PJA2: variants seen among roughly 807,000 people sequenced by gnomAD.
PJA2 encodes praja ring finger ubiquitin ligase 2.
PJA2 carries 25 observed loss-of-function variants against 69.3 expected under a neutral mutation model. The observed-to-expected ratio is 0.36, with a 90% CI of 0.26 to 0.50. The LOEUF (loss-of-function observed/expected upper bound fraction) is 0.50, where lower values mean the gene tolerates loss of function less well. Among genes scored for constraint, PJA2 ranks in the 20% least tolerant of loss-of-function variants. PJA2 has a pLI of 0.96. For missense variants in PJA2, 809 were observed against 830.2 expected (o/e 0.97, Z 0.31); for synonymous variants, 308 against 277.8 (o/e 1.11, Z -1.08).
At chr5:109,383,880 T>C (rs558372859) in intron 1 of PJA2, among the ~76,000 whole-genome samples, 1 of 152,188 alleles carries the variant, frequency 6.6e-6, no homozygotes, top group South Asian at 2.1e-4. Context: ...TGAGCCGAGA[T>C]CATGCCACTG....
At chr5:109,361,823 T>C (rs183889447) in intron 6 of PJA2, among the ~76,000 whole-genome samples, 23 of 152,352 alleles carry the variant, frequency 1.5e-4, no homozygotes, top group Admixed American at 1.2e-3. Context: ...CACACATTTT[T>C]TTCCCCCTTG....
intron 7 of PJA2, among the ~76,000 whole-genome samples, chr5:109,351,892 AT>A (rs1482161640): frequency 1.3e-5 from 2 of 152,174 alleles, no homozygotes; most frequent in African/African-American, 2.4e-5. Flanking sequence ...ATCATAAATT[AT>A]TTTTGTTTCA....
intron 3 of PJA2, 94 bp downstream of exon 3, chr5:109,381,409 T>C: frequency 1.1e-6 from 1 of 877,566 alleles, no homozygotes; most frequent in South Asian, 1.7e-5. Flanking sequence ...GCATTTACAC[T>C]CACAGACATG....
At chr5:109,366,377 G>C (rs1762585662) in intron 5 of PJA2, among the ~76,000 whole-genome samples, 1 of 152,176 alleles carries the variant, frequency 6.6e-6, no homozygotes, top group Non-Finnish European at 1.5e-5. Context: ...TAATGTAAAA[G>C]ACTAATTTTT....
intron 7 of PJA2, among the ~76,000 whole-genome samples, chr5:109,354,027 A>G (rs1295569005): frequency 8.3e-5 from 12 of 144,402 alleles, no homozygotes; most frequent in East Asian, 2.1e-4. Flanking sequence ...TATCTATGAT[A>G]TCTAGAGATA....
At chr5:109,403,914 C>G (rs1404242289) in intron 1 of PJA2, among the ~76,000 whole-genome samples, 1 of 151,230 alleles carries the variant, frequency 6.6e-6, no homozygotes, top group African/African-American at 2.4e-5. Flanking sequence ...TACAAAAATA[C>G]AAAAAAGTTA....
intron 7 of PJA2, among the ~76,000 whole-genome samples, chr5:109,352,296 T>C (rs1173198735): frequency 6.6e-6 from 1 of 152,186 alleles, no homozygotes; most frequent in Non-Finnish European, 1.5e-5. Context: ...TAGTAATAAA[T>C]ACTAAAACAT....
intron 7 of PJA2, among the ~76,000 whole-genome samples, chr5:109,354,439 G>GATTAGATGTCTATGATATCTAGAGATA (rs1762367244): frequency 1.2e-5 from 1 of 81,712 alleles, no homozygotes. Flanking sequence ...ATCTAGAGAT[G>GATTAGATGTCTATGATATCTAGAGATA]TCTATAGATT....
intron 1 of PJA2, among the ~76,000 whole-genome samples, chr5:109,408,299 T>C (rs1025041478): frequency 6.6e-6 from 1 of 152,146 alleles, no homozygotes; most frequent in African/African-American, 2.4e-5. Context: ...ATCAATAAAT[T>C]AGAAAGTTAT....
chr5:109,354,090 A>ATGT lies in PJA2; in HGVS notation c.1764+1824_1764+1825insACA, dbSNP rs1257032012. Among the ~76,000 whole-genome samples, 3 of 50,638 alleles carry ATGT rather than the reference A, an allele frequency of 5.9e-5. No individual in the cohort carries two copies. In the East Asian group the frequency reaches 7.5e-4, roughly 13 times the overall value. The allele number at this position is 50,638 out of a possible 152,430, so 33.2% of individuals were successfully genotyped here. A position where few individuals can be genotyped will look rare whatever the true frequency, so the allele number is the denominator to read the frequency against. ...AGAGATATCTATAGATTAGATATCTATATCTAGAGATATCTATAGATTAGA... is the reference window on the plus strand; with the variant it reads ...AGAGATATCTATAGATTAGATATCTATGTTATCTAGAGATATCTATAGATTAGA... On this transcript the variant is annotated intron_variant, in intron 7 of 9. Transcript: ENST00000361189.
chr5:109,340,741 A>C (rs1270647577), intron 9 of PJA2, among the ~76,000 whole-genome samples: 5 of 90,322 alleles, frequency 5.5e-5, no homozygotes, highest in Non-Finnish European at 2.6e-5. Flanking sequence ...GGCTCACTGC[A>C]ACCTCCCTGC....
At position 109,379,056 on chromosome 5, in the gene PJA2, C is replaced by A; in HGVS notation, c.431G>T (p.Gly144Val). Residue 144 changes from glycine to valine, a missense_variant, in exon 4 of 10, where the codon GGA becomes GTA. By Grantham distance (109) the Gly-to-Val change is moderately radical. Around this residue, in one of 4 missense-constraint regions of PJA2, gnomAD observed 700 missense variants for 639.5 expected, o/e 1.09. Transcript: ENST00000361189. The part of the protein sequence containing the change: ...SSTNLHNHSE[G>V]EYIPGACSAS... ...ACTACAAGCTCCTGGAATATACTCT[C>A]CCTCAGAGTGATTATGAAGATTTGT... 6.2e-7 allele frequency: 1 copy of A among 1,614,120 alleles called. No homozygotes were observed. The highest frequency in any genetic ancestry group is 1.1e-5 in the South Asian group (1 of 91,074).
chr5:109,379,297 T>A, intron 3 of PJA2, 43 bp from the exon 4 acceptor site: 1 of 1,378,876 alleles, frequency 7.3e-7, no homozygotes, highest in Non-Finnish European at 9.8e-7. Context: ...AGGATTAACT[T>A]AGATAAAATT....
intron 7 of PJA2, among the ~76,000 whole-genome samples, chr5:109,352,980 CCTATATCTATAGATATCTATATATTAG>C (rs1762284639): frequency 4.2e-5 from 1 of 23,720 alleles, no homozygotes; most frequent in Non-Finnish European, 9.1e-5. Flanking sequence ...ATATTAGATA[CCTATATCTATAGATATCTATATATTAG>C]ATACCTATAT....
intron 7 of PJA2, among the ~76,000 whole-genome samples, chr5:109,352,999 ATATATTAGATACCTATATCTATAGATAT>A (rs1762286103): frequency 2.2e-5 from 3 of 134,898 alleles, no homozygotes; most frequent in Non-Finnish European, 4.8e-5. Context: ...ATAGATATCT[ATATATTAGATACCTATATCTATAGATAT>A]CTATATATTA....
At chr5:109,408,414 C>G (rs943177986) in intron 1 of PJA2, among the ~76,000 whole-genome samples, 5 of 151,992 alleles carry the variant, frequency 3.3e-5, no homozygotes, top group African/African-American at 4.8e-5. Context: ...CACGAGATAC[C>G]AGTTAGCCTT....
intron 9 of PJA2, among the ~76,000 whole-genome samples, chr5:109,342,755 G>GCCTCTGC (rs1232262336): frequency 1.6e-5 from 2 of 124,874 alleles, no homozygotes; most frequent in African/African-American, 7.2e-5. Context: ...GGTGAGGGGC[G>GCCTCTGC]CCTCTGCCCG....
intron 9 of PJA2, among the ~76,000 whole-genome samples, chr5:109,342,700 T>C (rs1264355216): frequency 1.0e-5 from 1 of 97,580 alleles, no homozygotes. Flanking sequence ...GGGAGGGAGG[T>C]GGGGGGAGTC....
intron 5 of PJA2, among the ~76,000 whole-genome samples, chr5:109,365,796 T>C (rs1044232862): frequency 1.3e-5 from 2 of 152,194 alleles, no homozygotes; most frequent in African/African-American, 4.8e-5. Flanking sequence ...TTTAGTTTCA[T>C]GAGTCATGTG....
Sources: allele counts gnomAD v4.1 joint callset (sites outside exome capture counted in the v4.1 genomes callset), GRCh38; gene constraint gnomAD v4.1.1; regional missense constraint gnomAD v4.1.1; transcripts MANE v1.5; gene names NCBI Gene and HGNC (gene_info 2026-07-23, HGNC 2026-07-21).